THUMPD2: variants seen among roughly 807,000 people sequenced by gnomAD.
The protein encoded by THUMPD2 is U6 snRNA (guanine-N(2))-methyltransferase THUMPD2.
Under a neutral mutation model 49.4 loss-of-function variants are expected in THUMPD2, and 56 were observed. The ratio of observed to expected loss-of-function variants is 1.13; its 90% CI spans 0.91 to 1.41. THUMPD2 has a LOEUF of 1.41. THUMPD2 is among the 40% of genes most tolerant of loss of function. THUMPD2 has a pLI of 0.00. For synonymous variants in THUMPD2, 237 were observed against 205.2 expected (o/e 1.15, Z -1.32); for missense variants, 709 against 594.5 (o/e 1.19, Z -2.00).
At chr2:39,757,317 G>C in intron 6 of THUMPD2, 1 of 1,102,640 alleles carries the variant, frequency 9.1e-7, no homozygotes, top group Non-Finnish European at 1.2e-6. Context: ...TGTCTACAGA[G>C]GAAGCAGAGT....
intron 1 of THUMPD2, among the ~76,000 whole-genome samples, chr2:39,773,210 A>T (rs1478641395): frequency 6.6e-6 from 1 of 152,246 alleles, no homozygotes; most frequent in Non-Finnish European, 1.5e-5. Flanking sequence ...AAAGTTTCAA[A>T]AAGTAAATTA....
At chr2:39,777,598 C>T (rs1016734552) in intron 1 of THUMPD2, among the ~76,000 whole-genome samples, 1 of 152,166 alleles carries the variant, frequency 6.6e-6, no homozygotes, top group Non-Finnish European at 1.5e-5. Flanking sequence ...ACTGTTATTT[C>T]AGGATTGCCT....
chr2:39,753,457 A>G (rs1319031838), intron 8 of THUMPD2, among the ~76,000 whole-genome samples: 1 of 152,076 alleles, frequency 6.6e-6, no homozygotes, highest in Non-Finnish European at 1.5e-5. Context: ...ACTTACACTC[A>G]TTCCCTAGGA....
At chr2:39,772,917 G>C (rs1489093670) in intron 1 of THUMPD2, among the ~76,000 whole-genome samples, 1 of 152,166 alleles carries the variant, frequency 6.6e-6, no homozygotes, top group African/African-American at 2.4e-5. Context: ...TGCTACTCCA[G>C]GCTGATGAAA....
At chr2:39,757,727 T>C (rs181687644) in intron 6 of THUMPD2, among the ~76,000 whole-genome samples, 14 of 152,366 alleles carry the variant, frequency 9.2e-5, no homozygotes, top group Admixed American at 2.0e-4. Flanking sequence ...TTAAGATTTA[T>C]AGAACTTGAT....
rs1004024628 is a variant in THUMPD2, at chr2:39,736,343, T to A, written c.*392A>T. The A allele has an allele frequency of 1.9e-5, 3 of 157,654 alleles. No homozygotes were observed. In the East Asian group the frequency reaches 5.6e-4, roughly 29 times the overall value. The allele number at this position is 157,654 out of a possible 1,614,324, so 9.8% of individuals were successfully genotyped here. On this transcript the variant is annotated 3_prime_UTR_variant, in exon 10 of 10. Transcript: ENST00000505747. The stretch of plus-strand genomic sequence containing the variant: ...AATCAAGTTTAATATCAAAAGAAGT[T>A]ACACATAAAGGTTTTTACATTTCCG...
Position 39,769,828 on chromosome 2 carries a change from T to G in THUMPD2, c.554A>C (p.Gln185Pro), listed in dbSNP as rs915072202. The G allele has an allele frequency of 6.2e-7, 1 of 1,611,682 alleles. No homozygotes were observed. The highest frequency in any genetic ancestry group is 2.2e-5 in the East Asian group (1 of 44,776). The part of the protein sequence containing the change: ...RDFTTKSEKF[Q>P]EEEFQNDIEK... Reference sequence around the variant, plus strand: ...TATGTCATTCTGAAATTCTTCTTCTTGAAACTTTTCGCTTTTAGTGGTAAA... The same window carrying G: ...TATGTCATTCTGAAATTCTTCTTCTGGAAACTTTTCGCTTTTAGTGGTAAA... Residue 185 changes from glutamine to proline, a missense_variant, in exon 3 of 10, where the codon CAA becomes CCA. By Grantham distance (76) the Gln-to-Pro change is moderately conservative. Coordinates refer to ENST00000505747, the MANE Select transcript of THUMPD2 (RefSeq NM_025264.5).
intron 9 of THUMPD2, among the ~76,000 whole-genome samples, chr2:39,742,172 C>T (rs1673980615): frequency 6.6e-6 from 1 of 152,084 alleles, no homozygotes; most frequent in Non-Finnish European, 1.5e-5. Flanking sequence ...GCCACACTGC[C>T]TGTATAAAAC....
Position 39,736,713 on chromosome 2 carries a change from C to G in THUMPD2, c.*22G>C, listed in dbSNP as rs1323438329. ...ACAGCTAACTTACAAGGGCCTGAAC[C>G]CGGCTGATGGCAGCAAGCCTGCTAC... On this transcript the variant is annotated 3_prime_UTR_variant, in exon 10 of 10. Coordinates refer to ENST00000505747, the MANE Select transcript of THUMPD2 (RefSeq NM_025264.5). 10 of 1,599,482 alleles carry G rather than the reference C, an allele frequency of 6.3e-6. No individual in the cohort carries two copies. The highest frequency in any genetic ancestry group is 1.3e-5 in the African/African-American group (1 of 74,520).
intron 8 of THUMPD2, among the ~76,000 whole-genome samples, chr2:39,748,995 A>C (rs774560680): frequency 6.6e-6 from 1 of 152,126 alleles, no homozygotes; most frequent in Non-Finnish European, 1.5e-5. Context: ...TAAAAAAAAA[A>C]ACAAAACAAA....
Position 39,779,110 on chromosome 2 carries a change from T to C in THUMPD2, c.126+4A>G. 1 of 1,506,706 alleles carries C rather than the reference T, an allele frequency of 6.6e-7. No individual in the cohort carries two copies. Among genetic ancestry groups the C allele is most frequent in the Non-Finnish European group, 8.8e-7 (1 of 1,134,262 alleles). 93.3% of individuals were successfully genotyped at this position (1,506,706 alleles called of 1,614,324 possible). On this transcript the variant is annotated splice_donor_region_variant and intron_variant, in intron 1 of 9. Coordinates refer to ENST00000505747, the MANE Select transcript of THUMPD2 (RefSeq NM_025264.5). The stretch of plus-strand genomic sequence containing the variant: ...TCCCCAGGCGCGCAGCGAGGCCAAC[T>C]CACCTGCGTGGCCGCCAGCCGCGCC...
At chr2:39,745,936 T>C (rs1468236633) in intron 8 of THUMPD2, among the ~76,000 whole-genome samples, 1 of 151,752 alleles carries the variant, frequency 6.6e-6, no homozygotes, top group African/African-American at 2.4e-5. Flanking sequence ...AGCTTGCATT[T>C]GGCTCTGCTG....
chr2:39,745,634 T>C (rs1440817828), intron 8 of THUMPD2, among the ~76,000 whole-genome samples: 1 of 152,210 alleles, frequency 6.6e-6, no homozygotes, highest in Non-Finnish European at 1.5e-5. Flanking sequence ...TGCCTCACAC[T>C]ACACACACAG....
chr2:39,769,069 C>A lies in THUMPD2; in HGVS notation c.673-568G>T, dbSNP rs76852686. ...CTCATGTGCATTTGCAGTCTAGGTC[C>A]TGGTGACAATCCCATGTACAGGACC... On this transcript the variant is annotated intron_variant, in intron 3 of 9. Transcript: ENST00000505747. 5,603 of 1,304,330 alleles carry A rather than the reference C, an allele frequency of 4.3e-3. 194 individuals are homozygous for A. The African/African-American group carries it at 0.075, about 18-fold the overall frequency. 80.8% of individuals were successfully genotyped at this position (1,304,330 alleles called of 1,614,324 possible). A position where few individuals can be genotyped will look rare whatever the true frequency, so the allele number is the denominator to read the frequency against.
intron 5 of THUMPD2, among the ~76,000 whole-genome samples, chr2:39,763,915 C>A (rs1278530345): frequency 2.0e-5 from 3 of 152,056 alleles, no homozygotes; most frequent in African/African-American, 7.2e-5. Flanking sequence ...CACTTCATGG[C>A]TTGTTTCTAA....
intron 5 of THUMPD2, among the ~76,000 whole-genome samples, chr2:39,763,240 C>T (rs1010672157): frequency 2.6e-5 from 4 of 151,822 alleles, no homozygotes; most frequent in African/African-American, 9.7e-5. Context: ...CTAGCCTAGA[C>T]TTGTTACCTG....
chr2:39,738,232 G>C (rs191230882), intron 9 of THUMPD2, among the ~76,000 whole-genome samples: 1 of 152,258 alleles, frequency 6.6e-6, no homozygotes, highest in East Asian at 1.9e-4. Context: ...GGAAGCCAAA[G>C]AAGTACAGTT....
chr2:39,778,611 T>A (rs1300376445), intron 1 of THUMPD2, among the ~76,000 whole-genome samples: 2 of 152,262 alleles, frequency 1.3e-5, no homozygotes, highest in African/African-American at 4.8e-5. Context: ...CTATGAGGCC[T>A]GCAAGAGTAT....
intron 6 of THUMPD2, 56 bp downstream of exon 6, chr2:39,761,275 T>A: frequency 6.8e-7 from 1 of 1,466,584 alleles, no homozygotes; most frequent in Non-Finnish European, 9.6e-7. Context: ...AGAGACTGTA[T>A]AAGTTAATTA....
Sources: gnomAD v4.1 joint callset for allele counts (sites outside exome capture counted in the v4.1 genomes callset) on GRCh38, gnomAD v4.1.1 for gene constraint, MANE v1.5 for transcripts, NCBI Gene and HGNC (gene_info 2026-07-23, HGNC 2026-07-21) for gene names.